TTN: variants seen among roughly 807,000 people sequenced by gnomAD.
The protein encoded by TTN is connectin.
In TTN, 1,525 loss-of-function variants were observed where a neutral mutation model predicts 3,223.0. The ratio of observed to expected loss-of-function variants is 0.47; its 90% CI spans 0.45 to 0.49. The LOEUF (loss-of-function observed/expected upper bound fraction) is 0.49, where lower values mean the gene tolerates loss of function less well. Among genes scored for constraint, TTN ranks in the 20% least tolerant of loss-of-function variants. TTN has a pLI of 0.00. For missense variants in TTN, 40,786 were observed against 43,424.0 expected (o/e 0.94, Z 5.40); for synonymous variants, 14,094 against 15,161.0 (o/e 0.93, Z 5.17).
rs770096744 is a variant in TTN at position 178,594,015 on chromosome 2, C to T, written c.58378G>A (p.Val19460Ile). Residue 19460 changes from valine (V) to isoleucine (I), a missense_variant, in exon 297 of 363, where the codon GTT (valine) becomes ATT (isoleucine). Physicochemically the swap from Val to Ile is conservative, Grantham distance 29. Transcript: ENST00000589042. ...CTAGAGCCTGTACTGTTCTCCACAA[C>T]CACACAGTATTTGCCGGAATCTGAA... is the stretch of plus-strand genomic sequence containing the variant. ...KRSDSGKYCVVVENSTGSRKG... is the reference protein window; with the variant it reads ...KRSDSGKYCVIVENSTGSRKG... The T allele has an allele frequency of 1.2e-6, 2 of 1,613,614 alleles. No homozygotes were observed. The highest frequency in any genetic ancestry group is 2.2e-5 in the South Asian group (2 of 91,070).
At position 178,770,097 on chromosome 2, in the gene TTN, G is replaced by T. The variant is rs753733308; in HGVS notation, c.8604C>A (p.Val2868=). 2 of 1,614,054 alleles carry T rather than the reference G, an allele frequency of 1.2e-6. No homozygotes were observed. Among genetic ancestry groups the T allele is most frequent in the South Asian group, 2.2e-5 (2 of 91,042 alleles). The change falls in exon 36 of 363, where the codon GTC becomes GTA. Residue 2868 remains valine, a synonymous_variant. Coordinates refer to ENST00000589042, the MANE Select transcript of TTN (RefSeq NM_001267550.2). ...GTTTTGCTTTGCATTCCAATTGCCC[G>T]ACCACAGCTGTGTATTCCCCAGCAT... ...PSDAGEYTAV[V]GQLECKAKLF... is the part of the protein sequence containing the mutation.
At chr2:178,757,227 A>ATACTGTACTTACTTTAAGTACCGTAAG (rs1553968975) in intron 45 of TTN, among the ~76,000 whole-genome samples, 1 of 150,194 alleles carries the variant, frequency 6.7e-6, no homozygotes, top group Admixed American at 6.6e-5. Flanking sequence ...ACAGTAAGTA[A>ATACTGTACTTACTTTAAGTACCGTAAG]TAATCAGCAA....
In TTN at chr2:178,731,976, A is replaced by C; in HGVS notation, c.16904-5T>G. 1 of 1,600,626 alleles carries C rather than the reference A, an allele frequency of 6.2e-7. No individual in the cohort carries two copies. Among genetic ancestry groups the C allele is most frequent in the African/African-American group, 1.3e-5 (1 of 74,684 alleles). On this transcript the variant is annotated splice_region_variant and splice_polypyrimidine_tract_variant and intron_variant, in intron 57 of 362. Transcript: ENST00000589042. ...CCTTGGTAAAATAAGGTGACTCTAC[A>C]GTAAAAAAGGAATGATTTGCATTAA... is the stretch of plus-strand genomic sequence containing the variant.
Position 178,616,556 on chromosome 2 carries a change from G to A in TTN, c.48235C>T (p.Pro16079Ser), listed in dbSNP as rs760271431. 1.9e-6 allele frequency: 3 copies of A among 1,612,254 alleles called. No individual in the cohort carries two copies. The highest frequency in any genetic ancestry group is 2.5e-6 in the Non-Finnish European group (3 of 1,178,948). The change falls in exon 257 of 363, where the codon CCT (proline) becomes TCT (serine). Residue 16079 changes from proline (P) to serine (S), a missense_variant. Transcript: ENST00000589042. ...AACGGACTTCCTCCATCATCATCAG[G>A]TGGTTCCCAAGTCAAATGTACTGAG... ...KDSVHLTWEP[P>S]DDDGGSPLTG...
chr2:178,704,373 A>G lies in TTN; in HGVS notation c.29997T>C (p.Thr9999=). Residue 9999 remains threonine (T), a synonymous_variant, in exon 106 of 363, where the codon ACT becomes ACC. Transcript: ENST00000589042. ...TGGTGCAAGTCTGGCCTTCTTTCAGAGTCACATCCTGAAGATGCCGTTCCC... is the reference window on the plus strand; with the variant it reads ...TGGTGCAAGTCTGGCCTTCTTTCAGGGTCACATCCTGAAGATGCCGTTCCC... ...PAWERHLQDV[T]LKEGQTCTMT... is the part of the protein sequence containing the mutation. 4 of 1,613,878 alleles carry G rather than the reference A, an allele frequency of 2.5e-6. No homozygotes were observed. Among genetic ancestry groups the G allele is most frequent in the African/African-American group, 1.3e-5 (1 of 75,066 alleles).
Position 178,562,283 on chromosome 2 carries a change from A to G in TTN, c.83849T>C (p.Leu27950Pro). 3 of 1,613,452 alleles carry G rather than the reference A, an allele frequency of 1.9e-6. No individual in the cohort carries two copies. Among genetic ancestry groups the G allele is most frequent in the Non-Finnish European group, 2.5e-6 (3 of 1,179,668 alleles). The stretch of plus-strand genomic sequence containing the variant: ...ATCCCTTGCAATTACTGGCACTCCA[A>G]GTTGTCTTGGATCACTTCTTCCCTT... ...NEKGRSDPRQLGVPVIARDIE... is the reference protein window; with the variant it reads ...NEKGRSDPRQPGVPVIARDIE... Residue 27950 changes from leucine (L) to proline (P), a missense_variant, in exon 326 of 363, where the codon CTT (leucine) becomes CCT (proline). By Grantham distance (98) the Leu-to-Pro change is moderately conservative. Coordinates refer to ENST00000589042, the MANE Select transcript of TTN (RefSeq NM_001267550.2).
At chr2:178,653,346 A>G in intron 197 of TTN, 25 bp from the exon 198 acceptor site, 1 of 1,610,682 alleles carries the variant, frequency 6.2e-7, no homozygotes, top group African/African-American at 1.3e-5. Context: ...GTAAAGTTAC[A>G]TGTAGAGCTA....
At position 178,602,499 on chromosome 2, in the gene TTN, G is replaced by A; in HGVS notation, c.54903C>T (p.Gly18301=). Residue 18301 remains glycine, a synonymous_variant, in exon 283 of 363, where the codon GGC becomes GGT. Coordinates refer to ENST00000589042, the MANE Select transcript of TTN (RefSeq NM_001267550.2). ...LGWKPPAKDG[G]SPIKGYIVEM... ...CTACAATGTATCCTTTGATTGGGCT[G>A]CCACCATCTTTGGCTGGAGGTTTCC... 2 of 1,610,840 alleles carry A rather than the reference G, an allele frequency of 1.2e-6. No individual in the cohort carries two copies. Among genetic ancestry groups the A allele is most frequent in the East Asian group, 2.2e-5 (1 of 44,466 alleles).
In TTN at chr2:178,590,605, G is replaced by A. The variant is rs1353471700; in HGVS notation, c.61120C>T (p.Pro20374Ser). The A allele has an allele frequency of 1.2e-6, 2 of 1,612,814 alleles. No homozygotes were observed. Among genetic ancestry groups the A allele is most frequent in the Non-Finnish European group, 8.5e-7 (1 of 1,179,366 alleles). Residue 20374 changes from proline (P) to serine (S), a missense_variant, in exon 304 of 363, where the codon CCA becomes TCA. Physicochemically the swap from Pro to Ser is moderately conservative, Grantham distance 74 (BLOSUM62 -1). Coordinates refer to ENST00000589042, the MANE Select transcript of TTN (RefSeq NM_001267550.2). The part of the protein sequence containing the change: ...KACRPIKPPG[P>S]PINPKLKDKS... ...TCTTTCAGTTTAGGATTAATAGGTG[G>A]TCCAGGTGGTTTGATGGGCCGGCAA...
rs770335539 is a variant in TTN at position 178,588,881 on chromosome 2, A to C, written c.62844T>G (p.Pro20948=). Residue 20948 remains proline, a synonymous_variant, in exon 304 of 363, where the codon CCT becomes CCG. Transcript: ENST00000589042. ...VRAENKIGTG[P]PTESKPVIAK... ...CTATGACTGGTTTACTTTCTGTTGG[A>C]GGCCCTGTGCCTATTTTATTTTCTG... 130 of 1,613,116 alleles carry C rather than the reference A, an allele frequency of 8.1e-5. No homozygotes were observed. Among genetic ancestry groups the C allele is most frequent in the Non-Finnish European group, 1.1e-4 (126 of 1,179,596 alleles).
In TTN at chr2:178,713,381, TACAAAACA is replaced by T; in HGVS notation, c.26762-17_26762-10del. ...AGGAGGAACGGTTCGGTCTGAATGATACAAAACAAAACAAAACAAAACAAAACAAAAAA... is the reference window on the plus strand; with the variant it reads ...AGGAGGAACGGTTCGGTCTGAATGATAAACAAAACAAAACAAAACAAAAAA... On this transcript the variant is annotated splice_polypyrimidine_tract_variant and intron_variant, in intron 92 of 362. Coordinates refer to ENST00000589042, the MANE Select transcript of TTN (RefSeq NM_001267550.2). The T allele has an allele frequency of 6.8e-7, 1 of 1,468,874 alleles. No individual in the cohort carries two copies. The allele number at this position is 1,468,874 out of a possible 1,614,324, so 91.0% of individuals were successfully genotyped here. A position where few individuals can be genotyped will look rare whatever the true frequency, so the allele number is the denominator to read the frequency against.
intron 10 of TTN, among the ~76,000 whole-genome samples, chr2:178,791,347 C>T (rs143804688): frequency 6.6e-6 from 1 of 152,276 alleles, no homozygotes; most frequent in African/African-American, 2.4e-5. Flanking sequence ...GCTCTAAGAT[C>T]AGCAAAGAGC....
chr2:178,693,721 T>C, intron 118 of TTN, 32 bp from the exon 119 acceptor site: 1 of 1,488,368 alleles, frequency 6.7e-7, no homozygotes, highest in Non-Finnish European at 9.2e-7. Context: ...ATTACTGATA[T>C]GCCATGTTGT....
intron 236 of TTN, 39 bp from the exon 237 acceptor site, chr2:178,631,339 C>T (rs1360470287): frequency 1.3e-6 from 2 of 1,550,522 alleles, no homozygotes; most frequent in African/African-American, 2.8e-5. Flanking sequence ...TTATTAATCA[C>T]CTTAGGGAAA....
At chr2:178,702,366 T>C in intron 107 of TTN, 88 bp downstream of exon 107, 2 of 1,602,742 alleles carry the variant, frequency 1.2e-6, no homozygotes, top group Non-Finnish European at 1.7e-6. Flanking sequence ...CTAGATAGAA[T>C]GAGAGCATGA....
rs1369979989 is a variant in TTN at position 178,561,188 on chromosome 2, G to C, written c.84944C>G (p.Thr28315Ser). ...TNIQETYFEVTELTEDQRYEF... is the reference protein window; with the variant it reads ...TNIQETYFEVSELTEDQRYEF... ...ATAACGCTGATCTTCAGTAAGTTCA[G>C]TTACTTCAAAGTATGTTTCTTGTAT... Residue 28315 changes from threonine (T) to serine (S), a missense_variant, in exon 326 of 363, where the codon ACT becomes AGT. By Grantham distance (58) the Thr-to-Ser change is moderately conservative. Transcript: ENST00000589042. The C allele has an allele frequency of 7.4e-6, 12 of 1,613,458 alleles. No homozygotes were observed. In the African/African-American group the frequency reaches 1.6e-4, roughly 22 times the overall value.
At position 178,542,474 on chromosome 2, in the gene TTN, C is replaced by T. The variant is rs757420687; in HGVS notation, c.97282G>A (p.Gly32428Ser). 18 of 1,613,378 alleles carry T rather than the reference C, an allele frequency of 1.1e-5. No homozygotes were observed. Among genetic ancestry groups the T allele is most frequent in the African/African-American group, 6.7e-5 (5 of 74,902 alleles). Residue 32428 changes from glycine (G) to serine (S), a missense_variant, in exon 349 of 363, where the codon GGT becomes AGT. Coordinates refer to ENST00000589042, the MANE Select transcript of TTN (RefSeq NM_001267550.2). ...TISWEPPELD[G>S]GAPLSGYVVE... is the part of the protein sequence containing the mutation. ...ACATAACCACTCAGTGGAGCACCAC[C>T]GTCCAATTCAGGTGGTTCCCAGGAA...
chr2:178,706,430 A>C lies in TTN; in HGVS notation c.29420+24T>G, dbSNP rs748666690. 2.5e-6 allele frequency: 4 copies of C among 1,587,984 alleles called. No individual in the cohort carries two copies. In the African/African-American group the frequency reaches 5.4e-5, roughly 21 times the overall value. On this transcript the variant is annotated intron_variant, in intron 102 of 362. Coordinates refer to ENST00000589042, the MANE Select transcript of TTN (RefSeq NM_001267550.2). ...ACTTATATGGAGGGCTGATTGTACG[A>C]TTTGTGGTTTTTATTGAACTCACTT...
At position 178,729,053 on chromosome 2, in the gene TTN, C is replaced by T. The variant is rs748054208; in HGVS notation, c.18985G>A (p.Asp6329Asn). Residue 6329 changes from aspartate to asparagine, a missense_variant, in exon 65 of 363, where the codon GAT (aspartate) becomes AAT (asparagine). Coordinates refer to ENST00000589042, the MANE Select transcript of TTN (RefSeq NM_001267550.2). ...PPISITWLKD[D>N]QILDEDDNVY... The stretch of plus-strand genomic sequence containing the variant: ...TTATCATCTTCATCAAGAATCTGAT[C>T]ATCCTTTAGCCAGGTTATAGAAATA... 3 of 1,612,778 alleles carry T rather than the reference C, an allele frequency of 1.9e-6. No homozygotes were observed. Among genetic ancestry groups the T allele is most frequent in the Non-Finnish European group, 2.5e-6 (3 of 1,179,368 alleles).
Sources: gnomAD v4.1 joint callset for allele counts (sites outside exome capture counted in the v4.1 genomes callset) on GRCh38, gnomAD v4.1.1 for gene constraint, MANE v1.5 for transcripts, NCBI Gene and HGNC (gene_info 2026-07-23, HGNC 2026-07-21) for gene names.